Variants in ZNF423 observed in about 807,000 individuals in gnomAD.
The protein encoded by ZNF423 is Ebf-associated zinc finger protein.
A neutral mutation model predicts 95.8 loss-of-function variants in ZNF423; 12 were observed. The observed-to-expected ratio is 0.13, with a 90% CI of 0.08 to 0.20. The LOEUF is 0.20. Among genes scored for constraint, ZNF423 ranks in the 10% least tolerant of loss-of-function variants. ZNF423 has a pLI of 1.00. For synonymous variants in ZNF423, 749 were observed against 711.9 expected, an observed-to-expected ratio of 1.05 and a Z score of -0.83; for missense variants, 1,316 against 1,737.1, an observed-to-expected ratio of 0.76 and a Z score of 4.31.
chr16:49,643,142 C>T (rs1973039351), intron 3 of ZNF423, among the ~76,000 whole-genome samples: 1 of 152,128 alleles, frequency 6.6e-6, no homozygotes, highest in African/African-American at 2.4e-5. Flanking sequence ...TCTCTTATAG[C>T]AATGACACTT....
At chr16:49,794,565 A>C (rs1038152882) in intron 1 of ZNF423, among the ~76,000 whole-genome samples, 1 of 152,204 alleles carries the variant, frequency 6.6e-6, no homozygotes, top group Admixed American at 6.5e-5. Flanking sequence ...GCACACGTGC[A>C]GGCATGCACA....
chr16:49,838,960 T>C (rs67903834), intron 1 of ZNF423, among the ~76,000 whole-genome samples: 108,511 of 151,276 alleles, frequency 0.72, 39,035 homozygotes, highest in South Asian at 0.79. Flanking sequence ...CGGGAGGGGC[T>C]GCGTTCCCAA....
intron 3 of ZNF423, among the ~76,000 whole-genome samples, chr16:49,641,958 C>T (rs919581293): frequency 6.6e-6 from 1 of 152,206 alleles, no homozygotes; most frequent in African/African-American, 2.4e-5. Context: ...TTACCAAAGA[C>T]TGGCTGAGTT....
intron 7 of ZNF423, among the ~76,000 whole-genome samples, chr16:49,521,309 T>G (rs926218505): frequency 1.3e-5 from 2 of 152,240 alleles, no homozygotes; most frequent in Non-Finnish European, 2.9e-5. Context: ...GTAGTTTATA[T>G]GCACTCACGG....
chr16:49,850,327 T>C lies in ZNF423; in HGVS notation c.40+5408A>G, dbSNP rs543757390. On this transcript the variant is annotated intron_variant, in intron 1 of 7. Transcript: ENST00000563137. ...ATCCATTTTGGGTGGGAAACTTCTC[T>C]GATTACCCGCTAACATGTCCATGCA... Among the ~76,000 whole-genome samples the C allele has an allele frequency of 3.9e-5, 6 of 152,326 alleles. No individual in the cohort carries two copies. The South Asian group carries it at 1.2e-3, about 32-fold the overall frequency.
intron 3 of ZNF423, among the ~76,000 whole-genome samples, chr16:49,672,642 C>G (rs993046567): frequency 4.6e-5 from 7 of 152,110 alleles, no homozygotes; most frequent in African/African-American, 1.7e-4. Flanking sequence ...CATGGCGAAA[C>G]CTGTCTCTAC....
chr16:49,776,637 C>T (rs932518879), intron 2 of ZNF423, among the ~76,000 whole-genome samples: 6 of 152,186 alleles, frequency 3.9e-5, no homozygotes, highest in Admixed American at 3.9e-4. Flanking sequence ...AAAATGAAGT[C>T]ACATGCAAGT....
At chr16:49,538,871 T>C (rs1969149741) in intron 5 of ZNF423, among the ~76,000 whole-genome samples, 1 of 152,240 alleles carries the variant, frequency 6.6e-6, no homozygotes, top group Non-Finnish European at 1.5e-5. Flanking sequence ...TTCCTTCTCT[T>C]TGCTTAAGCT....
At chr16:49,564,709 G>T (rs1970133018) in intron 5 of ZNF423, among the ~76,000 whole-genome samples, 1 of 152,226 alleles carries the variant, frequency 6.6e-6, no homozygotes, top group Non-Finnish European at 1.5e-5. Context: ...TTTGGAAGTA[G>T]TGTGGAAACA....
At chr16:49,815,057 T>C (rs763065967) in intron 1 of ZNF423, among the ~76,000 whole-genome samples, 8 of 152,122 alleles carry the variant, frequency 5.3e-5, no homozygotes, top group Non-Finnish European at 1.0e-4. Context: ...GGGTCTGGGA[T>C]GAAACCAACC....
chr16:49,493,085 G>GTTT (rs1967037250), intron 7 of ZNF423, among the ~76,000 whole-genome samples: 1 of 152,102 alleles, frequency 6.6e-6, no homozygotes, highest in Admixed American at 6.5e-5. Context: ...TGGGATGCAG[G>GTTT]CGGTTTCCAT....
At chr16:49,609,454 A>G (rs1375956817) in intron 5 of ZNF423, among the ~76,000 whole-genome samples, 1 of 152,216 alleles carries the variant, frequency 6.6e-6, no homozygotes, top group African/African-American at 2.4e-5. Context: ...AATTACGTCA[A>G]TAAACAATTA....
rs1567373480 is a variant in ZNF423 at position 49,855,202 on chromosome 16, C to CGG, written c.40+532_40+533insCC. 6.7e-6 allele frequency among the ~76,000 whole-genome samples: 1 copy of CGG among 149,864 alleles called. No individual in the cohort carries two copies. Among genetic ancestry groups the CGG allele is most frequent in the Non-Finnish European group, 1.5e-5 (1 of 67,258 alleles). On this transcript the variant is annotated intron_variant, in intron 1 of 7. Coordinates refer to ENST00000563137, the MANE Select transcript of ZNF423 (RefSeq NM_001379286.1). This position sits in a 1 kb window ranked among gnomAD's most constrained non-coding sequence, Gnocchi z 4.7. ...GCCCGGGGCGCTCGCCGACAGCGCC[C>CGG]GCCGCTCCCCGCGTCCTCGGGCGAC...
intron 1 of ZNF423, among the ~76,000 whole-genome samples, chr16:49,838,539 C>A (rs2035145731): frequency 6.6e-6 from 1 of 152,120 alleles, no homozygotes; most frequent in Non-Finnish European, 1.5e-5. Context: ...CACCCCAAAG[C>A]GGAGGCCCGA....
At chr16:49,676,900 G>T (rs2031074131) in intron 3 of ZNF423, among the ~76,000 whole-genome samples, 1 of 152,154 alleles carries the variant, frequency 6.6e-6, no homozygotes, top group Non-Finnish European at 1.5e-5. Context: ...CAGCAACTCA[G>T]CATCACATGA....
At chr16:49,652,346 G>C (rs557726697) in intron 3 of ZNF423, among the ~76,000 whole-genome samples, 3 of 135,654 alleles carry the variant, frequency 2.2e-5, no homozygotes, top group East Asian at 4.1e-4. Flanking sequence ...AACAGACTAG[G>C]AAAGGGGAAA....
chr16:49,831,558 C>T (rs1156276510), intron 1 of ZNF423, among the ~76,000 whole-genome samples: 5 of 152,148 alleles, frequency 3.3e-5, no homozygotes, highest in African/African-American at 9.7e-5. Context: ...GACCACCATA[C>T]AGGGCATGAA....
intron 7 of ZNF423, among the ~76,000 whole-genome samples, chr16:49,493,490 A>G (rs548357620): frequency 1.3e-5 from 2 of 152,308 alleles, no homozygotes; most frequent in Admixed American, 1.3e-4. Flanking sequence ...ACAGCTGCCC[A>G]GGAGCAACTT....
intron 3 of ZNF423, among the ~76,000 whole-genome samples, chr16:49,677,311 A>AGAAGAGAAG (rs2031134331): frequency 1.0e-4 from 1 of 9,742 alleles, no homozygotes; most frequent in Non-Finnish European, 2.7e-4. Flanking sequence ...GAGAAGAGAA[A>AGAAGAGAAG]GGAGGGGAAG....
Sources: gnomAD v4.1 joint callset for allele counts (sites outside exome capture counted in the v4.1 genomes callset) on GRCh38, gnomAD v4.1.1 for gene constraint, Gnocchi (gnomAD v3.1) non-coding constraint, MANE v1.5 for transcripts, NCBI Gene and HGNC (gene_info 2026-07-23, HGNC 2026-07-21) for gene names.